Variants in CYBA observed in about 807,000 individuals in gnomAD.
CYBA encodes the protein cytochrome b-245 alpha chain, also known as cytochrome b-245 light chain.
A neutral mutation model predicts 20.8 loss-of-function variants in CYBA; 21 were observed. That is an observed-to-expected ratio of 1.01 (90% CI 0.72 to 1.46). The LOEUF (loss-of-function observed/expected upper bound fraction) is 1.46, where lower values mean the gene tolerates loss of function less well. Among genes scored for constraint, CYBA ranks in the 40% most tolerant of loss-of-function variants. The pLI is 0.00. For missense variants in CYBA, 344 were observed against 287.0 expected, an observed-to-expected ratio of 1.20 and a Z score of -1.43; for synonymous variants, 164 against 127.5, an observed-to-expected ratio of 1.29 and a Z score of -1.93.
chr16:88,643,624 C>T lies in CYBA; in HGVS notation c.370-53G>A. 1 of 1,488,008 alleles carries T rather than the reference C, an allele frequency of 6.7e-7. No individual in the cohort carries two copies. 92.2% of individuals were successfully genotyped at this position (1,488,008 alleles called of 1,614,324 possible). A position where few individuals can be genotyped will look rare whatever the true frequency, so the allele number is the denominator to read the frequency against. ...GCCCCAGCGCCCGCCCTCCCTCCCTCCCTCCCTCCCCGGAGGCCCACCCCG... is the reference window on the plus strand; with the variant it reads ...GCCCCAGCGCCCGCCCTCCCTCCCTTCCTCCCTCCCCGGAGGCCCACCCCG... On this transcript the variant is annotated intron_variant, in intron 5 of 5. Coordinates refer to ENST00000261623, the MANE Select transcript of CYBA (RefSeq NM_000101.4). The surrounding 1 kb of genome is among the most constrained non-coding windows in gnomAD (Gnocchi z 4.3).
rs1219576098 is a variant in CYBA at position 88,643,713 on chromosome 16, GA to G, written c.370-143del. On this transcript the variant is annotated intron_variant, in intron 5 of 5. Coordinates refer to ENST00000261623, the MANE Select transcript of CYBA (RefSeq NM_000101.4). This position sits in a 1 kb window ranked among gnomAD's most constrained non-coding sequence, Gnocchi z 4.3. ...CAGGATGGTGTGACTGCCACTCAGA[GA>G]GGTTAAGTGACGCGCCCGAGGCCAC... is the stretch of plus-strand genomic sequence containing the variant. 1 of 811,020 alleles carries G rather than the reference GA, an allele frequency of 1.2e-6. No individual in the cohort carries two copies. Among genetic ancestry groups the G allele is most frequent in the African/African-American group, 1.8e-5 (1 of 56,698 alleles). The allele number at this position is 811,020 out of a possible 1,614,324, so 50.2% of individuals were successfully genotyped here.
Position 88,643,696 on chromosome 16 carries a change from T to A in CYBA, c.370-125A>T. 1 of 899,766 alleles carries A rather than the reference T, an allele frequency of 1.1e-6. No individual in the cohort carries two copies. Among genetic ancestry groups the A allele is most frequent in the Non-Finnish European group, 1.7e-6 (1 of 592,746 alleles). The allele number at this position is 899,766 out of a possible 1,614,324, so 55.7% of individuals were successfully genotyped here. ...CAAGTCTGAATCCCACGCAGGATGG[T>A]GTGACTGCCACTCAGAGAGGTTAAG... On this transcript the variant is annotated intron_variant, in intron 5 of 5. Coordinates refer to ENST00000261623, the MANE Select transcript of CYBA (RefSeq NM_000101.4). The surrounding 1 kb of genome is among the most constrained non-coding windows in gnomAD (Gnocchi z 4.3).
Position 88,643,543 on chromosome 16 carries a change from G to C in CYBA, c.398C>G (p.Pro133Arg), listed in dbSNP as rs1251186618. 3.3e-6 allele frequency: 5 copies of C among 1,534,680 alleles called. No individual in the cohort carries two copies. The highest frequency in any genetic ancestry group is 3.5e-6 in the Non-Finnish European group (4 of 1,146,674). ...CCGCTCCCGGGGCTTGGGCTCGATG[G>C]GCGTCCACTGCTCGCCACGCACAGC... is the stretch of plus-strand genomic sequence containing the variant. The part of the protein sequence containing the change: ...LAAVRGEQWT[P>R]IEPKPRERPQ... Residue 133 changes from proline to arginine, a missense_variant, in exon 6 of 6, where the codon CCC becomes CGC. Pro to Arg is a moderately radical substitution (Grantham distance 103). Transcript: ENST00000261623. This position sits in a 1 kb window ranked among gnomAD's most constrained non-coding sequence, Gnocchi z 4.3.
intron 1 of CYBA, chr16:88,650,392 T>A (rs1273512784): frequency 4.4e-6 from 2 of 456,858 alleles, no homozygotes; most frequent in African/African-American, 4.0e-5. Context: ...AAGAGCAAAG[T>A]GCCTGTGCAG....
intron 1 of CYBA, chr16:88,650,108 C>A (rs954216647): frequency 3.9e-5 from 13 of 331,090 alleles, no homozygotes; most frequent in Non-Finnish European, 4.3e-5. Flanking sequence ...GCGCTCAGAG[C>A]CCCAGGGGAG....
rs772492771 is a variant in CYBA, at chr16:88,643,414, G to A, written c.527C>T (p.Ala176Val). The part of the protein sequence containing the change: ...KPSEEEAAVA[A>V]GGPPGGPQVN... Reference sequence around the variant, plus strand: ...CTGGGGACCTCCCGGGGGTCCCCCCGCCGCCACCGCAGCCTCCTCCTCGCT... The same window carrying A: ...CTGGGGACCTCCCGGGGGTCCCCCCACCGCCACCGCAGCCTCCTCCTCGCT... The change falls in exon 6 of 6, where the codon GCG (alanine) becomes GTG (valine). Residue 176 changes from alanine (A) to valine (V), a missense_variant. Physicochemically the swap from Ala to Val is moderately conservative, Grantham distance 64 (BLOSUM62 0). Coordinates refer to ENST00000261623, the MANE Select transcript of CYBA (RefSeq NM_000101.4). This position sits in a 1 kb window ranked among gnomAD's most constrained non-coding sequence, Gnocchi z 4.3. 3.1e-5 allele frequency: 47 copies of A among 1,533,456 alleles called. No individual in the cohort carries two copies. The highest frequency in any genetic ancestry group is 2.7e-4 in the East Asian group (11 of 40,016). The allele number at this position is 1,533,456 out of a possible 1,614,324, so 95.0% of individuals were successfully genotyped here.
At chr16:88,647,687 G>A (rs1907339559) in intron 2 of CYBA, 1 of 412,286 alleles carries the variant, frequency 2.4e-6, no homozygotes, top group Non-Finnish European at 4.6e-6. Flanking sequence ...TGGGCGGCAG[G>A]GCTGAGATGG....
intron 1 of CYBA, among the ~76,000 whole-genome samples, chr16:88,648,638 G>C (rs1447307397): frequency 2.7e-5 from 4 of 147,964 alleles, no homozygotes; most frequent in Non-Finnish European, 4.5e-5. Context: ...TTTTTTTCGA[G>C]ACGGAGTCTT....
At chr16:88,645,105 G>A in intron 5 of CYBA, 1 of 692,734 alleles carries the variant, frequency 1.4e-6, no homozygotes, top group Non-Finnish European at 2.6e-6. Flanking sequence ...GCTGATGCCT[G>A]ACCCAGCAAT....
chr16:88,648,640 C>T lies in CYBA; in HGVS notation c.59-526G>A, dbSNP rs537903098. On this transcript the variant is annotated intron_variant, in intron 1 of 5. Coordinates refer to ENST00000261623, the MANE Select transcript of CYBA (RefSeq NM_000101.4). ...TTACTGTTTTTTTTTTTTTTCGAGA[C>T]GGAGTCTTGCTCTGTCACCCAGGCT... Among the ~76,000 whole-genome samples, 192 of 147,322 alleles carry T rather than the reference C, an allele frequency of 1.3e-3. 1 individual carries two copies. The highest frequency in any genetic ancestry group is 4.7e-3 in the African/African-American group (186 of 39,866).
At chr16:88,650,679 C>G in intron 1 of CYBA, 2 of 608,770 alleles carry the variant, frequency 3.3e-6, no homozygotes, top group Non-Finnish European at 6.0e-6. Context: ...GCAACTTCCT[C>G]CTTCGCGGAG....
At position 88,643,375 on chromosome 16, in the gene CYBA, G is replaced by A. The variant is rs746724477; in HGVS notation, c.566C>T (p.Pro189Leu). The A allele has an allele frequency of 2.6e-5, 40 of 1,530,724 alleles. No individual in the cohort carries two copies. Among genetic ancestry groups the A allele is most frequent in the Admixed American group, 8.0e-5 (4 of 49,694 alleles). The allele number at this position is 1,530,724 out of a possible 1,614,324, so 94.8% of individuals were successfully genotyped here. A position where few individuals can be genotyped will look rare whatever the true frequency, so the allele number is the denominator to read the frequency against. ...PPGGPQVNPI[P>L]VTDEVV ...AGGTCACACGACCTCGTCGGTCACC[G>A]GGATGGGGTTGACCTGGGGACCTCC... Residue 189 changes from proline to leucine, a missense_variant, in exon 6 of 6, where the codon CCG becomes CTG. Transcript: ENST00000261623. This position sits in a 1 kb window ranked among gnomAD's most constrained non-coding sequence, Gnocchi z 4.3.
chr16:88,647,066 C>T lies in CYBA; in HGVS notation c.203+35G>A, dbSNP rs745343599. 1.8e-5 allele frequency: 29 copies of T among 1,588,404 alleles called. No individual in the cohort carries two copies. The Admixed American group carries it at 2.6e-4, about 14-fold the overall frequency. Reference sequence around the variant, plus strand: ...TGTGAGCCCTGCCTGGGCCCCGCAGCCCCCGGAGAGACCCCAGAGCAGGAG... The same window carrying T: ...TGTGAGCCCTGCCTGGGCCCCGCAGTCCCCGGAGAGACCCCAGAGCAGGAG... On this transcript the variant is annotated intron_variant, in intron 3 of 5. Coordinates refer to ENST00000261623, the MANE Select transcript of CYBA (RefSeq NM_000101.4).
intron 5 of CYBA, chr16:88,644,914 C>T (rs1907219950): frequency 1.8e-6 from 1 of 558,110 alleles, no homozygotes; most frequent in Non-Finnish European, 3.2e-6. Flanking sequence ...AGAAGAAACT[C>T]CAACAGCTCA....
At chr16:88,648,148 T>C in intron 1 of CYBA, 34 bp from the exon 2 acceptor site, 1 of 1,591,170 alleles carries the variant, frequency 6.3e-7, no homozygotes, top group South Asian at 1.1e-5. Flanking sequence ...ACTGTGGGGC[T>C]CCCGTCCCGG....
intron 5 of CYBA, chr16:88,645,767 AGC>A (rs757768608): frequency 2.4e-5 from 13 of 534,704 alleles, no homozygotes; most frequent in Admixed American, 9.6e-5. Context: ...ATGGGACCCA[AGC>A]GCAGGCACGG....
intron 1 of CYBA, chr16:88,650,725 C>T (rs1161947580): frequency 1.6e-6 from 1 of 612,566 alleles, no homozygotes; most frequent in Non-Finnish European, 2.9e-6. Context: ...GGGAGGGGCG[C>T]CGCGCTCCGC....
chr16:88,649,000 T>G (rs1907399339), intron 1 of CYBA, among the ~76,000 whole-genome samples: 1 of 146,558 alleles, frequency 6.8e-6, no homozygotes, highest in Non-Finnish European at 1.5e-5. Context: ...TTCCGTGGCG[T>G]GATCTCAGCT....
chr16:88,649,268 T>C (rs1907419736), intron 1 of CYBA, among the ~76,000 whole-genome samples: 2 of 152,214 alleles, frequency 1.3e-5, no homozygotes, highest in Non-Finnish European at 1.5e-5. Flanking sequence ...CATGGTCTTG[T>C]TGGAAGATTT....
Sources: gnomAD v4.1 joint callset for allele counts (sites outside exome capture counted in the v4.1 genomes callset) on GRCh38, gnomAD v4.1.1 for gene constraint, Gnocchi (gnomAD v3.1) non-coding constraint, MANE v1.5 for transcripts, NCBI Gene and HGNC (gene_info 2026-07-23, HGNC 2026-07-21) for gene names.